The following PCNX1 variants were observed in gnomAD, a reference collection of about 807,000 sequenced individuals.
PCNX1 encodes pecanex 1.
In PCNX1, 78 loss-of-function variants were observed where a neutral mutation model predicts 242.2. The ratio of observed to expected loss-of-function variants is 0.32; its 90% CI spans 0.27 to 0.39. The LOEUF (loss-of-function observed/expected upper bound fraction) is 0.39. PCNX1 is among the 10% of genes least tolerant of loss of function. PCNX1 has a pLI of 1.00. For missense variants in PCNX1, 2,581 were observed against 2,856.5 expected, an observed-to-expected ratio of 0.90 and a Z score of 2.20; for synonymous variants, 1,024 against 1,032.9, an observed-to-expected ratio of 0.99 and a Z score of 0.17.
At chr14:70,919,326 C>T (rs2056276406) in intron 1 of PCNX1, among the ~76,000 whole-genome samples, 4 of 152,112 alleles carry the variant, frequency 2.6e-5, no homozygotes, top group Admixed American at 2.6e-4. Flanking sequence ...TAACATATTG[C>T]ATAAGAAATT....
chr14:70,954,421 G>A (rs1188160106), intron 2 of PCNX1, among the ~76,000 whole-genome samples: 1 of 152,170 alleles, frequency 6.6e-6, no homozygotes, highest in African/African-American at 2.4e-5. Context: ...TTCAGAGTCT[G>A]CTAGAGAAAG....
intron 2 of PCNX1, among the ~76,000 whole-genome samples, chr14:70,949,344 C>T (rs919073048): frequency 1.4e-4 from 21 of 145,482 alleles, no homozygotes; most frequent in Non-Finnish European, 2.9e-4. Context: ...CACGTGCATA[C>T]ACGCACGTGC....
chr14:71,109,383 G>A lies in PCNX1; in HGVS notation c.6745-69G>A, dbSNP rs139748390. ...AATTCCTCTCTGTGAAAAGCATTTT[G>A]TTTGAGATTACATAATTTTTCATCA... On this transcript the variant is annotated intron_variant, in intron 34 of 35. Transcript: ENST00000304743. 660 of 1,364,956 alleles carry A rather than the reference G, an allele frequency of 4.8e-4. 5 individuals are homozygous for A. The African/African-American group carries it at 8.9e-3, about 18-fold the overall frequency. The allele number at this position is 1,364,956 out of a possible 1,614,324, so 84.6% of individuals were successfully genotyped here. A position where few individuals can be genotyped will look rare whatever the true frequency, so the allele number is the denominator to read the frequency against.
At chr14:71,076,548 C>G (rs1002381765) in intron 28 of PCNX1, 129 bp downstream of exon 28, 2 of 648,504 alleles carry the variant, frequency 3.1e-6, no homozygotes, top group Non-Finnish European at 5.3e-6. Context: ...TTAAGATAAC[C>G]TAACTGGTTC....
intron 17 of PCNX1, 96 bp downstream of exon 17, chr14:71,033,634 C>G (rs2286315): frequency 0.071 from 49,682 of 697,220 alleles, 2,743 homozygotes; most frequent in East Asian, 0.27. Context: ...CAATGCCTTT[C>G]CAAAGTGCTT....
rs966624545 is a variant in PCNX1 at position 70,978,553 on chromosome 14, G to A, written c.2216G>A (p.Arg739Gln). Reference sequence around the variant, plus strand: ...CTAGATGAGCTATCTTTATTAGGACGGGCTTCCCAGTTAGAGACAGTCACT... The same window carrying A: ...CTAGATGAGCTATCTTTATTAGGACAGGCTTCCCAGTTAGAGACAGTCACT... ...EVLDELSLLG[R>Q]ASQLETVTRS... Residue 739 changes from arginine to glutamine, a missense_variant, in exon 6 of 36, where the codon CGG (arginine) becomes CAG (glutamine). This residue lies in a region of PCNX1 where 1,204 missense variants were observed against 1,216.7 expected (regional missense o/e 0.99). Coordinates refer to ENST00000304743, the MANE Select transcript of PCNX1 (RefSeq NM_014982.3). 12 of 1,613,980 alleles carry A rather than the reference G, an allele frequency of 7.4e-6. 1 individual carries two copies. In the African/African-American group the frequency reaches 9.3e-5, roughly 13 times the overall value.
Position 70,947,136 on chromosome 14 carries a change from A to G in PCNX1, c.362+13A>G, listed in dbSNP as rs550265267. 21 of 1,535,922 alleles carry G rather than the reference A, an allele frequency of 1.4e-5. No individual in the cohort carries two copies. Among genetic ancestry groups the G allele is most frequent in the South Asian group, 1.3e-4 (11 of 87,514 alleles). ...GCAATGGACCGAGGTAAGGAAACCT[A>G]TGTCATTGATTGATCGTAATGATTT... On this transcript the variant is annotated intron_variant, in intron 2 of 35. Transcript: ENST00000304743.
At chr14:70,932,735 C>G (rs2056851022) in intron 1 of PCNX1, among the ~76,000 whole-genome samples, 1 of 152,048 alleles carries the variant, frequency 6.6e-6, no homozygotes, top group Non-Finnish European at 1.5e-5. Flanking sequence ...GCCTCAGCCT[C>G]CCGAGTAGCT....
chr14:70,926,618 C>A lies in PCNX1; in HGVS notation c.153+18615C>A, dbSNP rs575742944. On this transcript the variant is annotated intron_variant, in intron 1 of 35. Transcript: ENST00000304743. The stretch of plus-strand genomic sequence containing the variant: ...CCTCCTATAATGCACATGACAGCGC[C>A]CCACACCAAAGGATTGTCTGGCTTT... Among the ~76,000 whole-genome samples, 11 of 152,114 alleles carry A rather than the reference C, an allele frequency of 7.2e-5. No individual in the cohort carries two copies. In the South Asian group the frequency reaches 2.3e-3, roughly 32 times the overall value.
At chr14:71,035,927 TTC>T (rs1257721631) in intron 18 of PCNX1, 136 bp from the exon 19 acceptor site, 3 of 582,044 alleles carry the variant, frequency 5.2e-6, no homozygotes, top group Non-Finnish European at 3.0e-6. Flanking sequence ...CAATGAAAAC[TTC>T]TTTTTTTTTT....
At chr14:71,044,729 G>A (rs1217233485) in intron 19 of PCNX1, 2 of 171,666 alleles carry the variant, frequency 1.2e-5, no homozygotes, top group South Asian at 1.3e-4. Context: ...GCCATGTACT[G>A]TGAAACAGTG....
At chr14:70,971,595 A>G (rs2058544389) in intron 5 of PCNX1, among the ~76,000 whole-genome samples, 1 of 152,220 alleles carries the variant, frequency 6.6e-6, no homozygotes, top group South Asian at 2.1e-4. Flanking sequence ...TGGCTTCTCT[A>G]CTATTAATAT....
At chr14:71,087,992 A>G (rs1430076860) in intron 28 of PCNX1, among the ~76,000 whole-genome samples, 1 of 152,124 alleles carries the variant, frequency 6.6e-6, no homozygotes, top group East Asian at 1.9e-4. Flanking sequence ...AGTAGCTAAT[A>G]GATAGAAATA....
intron 7 of PCNX1, among the ~76,000 whole-genome samples, chr14:70,994,417 A>G (rs867247338): frequency 1.6e-5 from 2 of 126,026 alleles, no homozygotes; most frequent in African/African-American, 6.0e-5. Flanking sequence ...ATATATATAT[A>G]TATATATATA....
At chr14:70,959,221 C>CTT (rs35385199) in intron 2 of PCNX1, among the ~76,000 whole-genome samples, 1 of 141,540 alleles carries the variant, frequency 7.1e-6, no homozygotes, top group Non-Finnish European at 1.5e-5. Context: ...TTCCTGTTAT[C>CTT]TTTTTTTTTT....
chr14:70,981,103 C>G (rs1475622082), intron 6 of PCNX1, among the ~76,000 whole-genome samples: 2 of 152,196 alleles, frequency 1.3e-5, no homozygotes, highest in East Asian at 3.9e-4. Context: ...TCTAGGAAAG[C>G]TACTTACAAA....
At chr14:70,952,218 A>G (rs1004507822) in intron 2 of PCNX1, among the ~76,000 whole-genome samples, 3 of 152,168 alleles carry the variant, frequency 2.0e-5, no homozygotes, top group Non-Finnish European at 4.4e-5. Context: ...TGGATATTAT[A>G]TATATTTGTC....
intron 30 of PCNX1, among the ~76,000 whole-genome samples, chr14:71,101,415 G>A (rs2062457128): frequency 6.6e-6 from 1 of 152,166 alleles, no homozygotes; most frequent in Non-Finnish European, 1.5e-5. Flanking sequence ...AAATGAATAA[G>A]TAGTTATTAA....
At chr14:71,001,898 G>C (rs139234437) in intron 8 of PCNX1, among the ~76,000 whole-genome samples, 7 of 152,192 alleles carry the variant, frequency 4.6e-5, no homozygotes, top group African/African-American at 1.7e-4. Flanking sequence ...TGCTGTAGTC[G>C]TTGACATTTT....
Sources: gnomAD v4.1 joint callset for allele counts (sites outside exome capture counted in the v4.1 genomes callset) on GRCh38, gnomAD v4.1.1 for gene constraint, gnomAD v4.1.1 regional missense constraint, MANE v1.5 for transcripts, NCBI Gene and HGNC (gene_info 2026-07-23, HGNC 2026-07-21) for gene names.